Variants in XRN1 observed in about 807,000 individuals in gnomAD.
XRN1 encodes 5'-3' exoribonuclease 1.
Under a neutral mutation model 222.3 loss-of-function variants are expected in XRN1, and 67 were observed. The ratio of observed to expected loss-of-function variants is 0.30; its 90% CI spans 0.25 to 0.37. The LOEUF is 0.37. XRN1 is among the 10% of genes least tolerant of loss of function. The pLI, the probability that XRN1 is intolerant of heterozygous loss-of-function variation, is 1.00. For missense variants in XRN1, 1,707 were observed against 2,000.2 expected (o/e 0.85, Z 2.80); for synonymous variants, 643 against 652.4 (o/e 0.99, Z 0.22).
chr3:142,362,748 CCCTT>C (rs2066685941), intron 29 of XRN1, among the ~76,000 whole-genome samples: 2 of 140,144 alleles, frequency 1.4e-5, no homozygotes, highest in Admixed American at 7.1e-5. Context: ...CTCCCTCCCT[CCCTT>C]CCTTTCTTCC....
chr3:142,418,701 G>T, intron 11 of XRN1, 92 bp from the exon 12 acceptor site: 2 of 1,411,160 alleles, frequency 1.4e-6, no homozygotes, highest in South Asian at 1.3e-5. Context: ...CCAAGTTGAT[G>T]CTTATATGCT....
chr3:142,405,120 C>T lies in XRN1; in HGVS notation c.1714-44G>A, dbSNP rs1037377440. The T allele has an allele frequency of 3.2e-6, 5 of 1,567,104 alleles. No homozygotes were observed. The African/African-American group carries it at 5.5e-5, about 17-fold the overall frequency. On this transcript the variant is annotated intron_variant, in intron 15 of 40. Transcript: ENST00000392981. ...GAGAAGGGTTACAAGCATAAAAATTCCATAATCTCAACAAACAGAATAAGT... is the reference window on the plus strand; with the variant it reads ...GAGAAGGGTTACAAGCATAAAAATTTCATAATCTCAACAAACAGAATAAGT...
At chr3:142,410,502 T>G (rs2068528058) in intron 15 of XRN1, among the ~76,000 whole-genome samples, 1 of 138,040 alleles carries the variant, frequency 7.2e-6, no homozygotes, top group South Asian at 2.4e-4. Context: ...TTTTTTTTTT[T>G]TTTTTTTTTT....
At position 142,370,506 on chromosome 3, in the gene XRN1, C is replaced by G; in HGVS notation, c.3183G>C (p.Glu1061Asp). The G allele has an allele frequency of 6.2e-6, 10 of 1,603,176 alleles. No homozygotes were observed. Among genetic ancestry groups the G allele is most frequent in the Non-Finnish European group, 8.5e-6 (10 of 1,176,284 alleles). The change falls in exon 27 of 41, where the codon GAG (glutamate) becomes GAC (aspartate). Residue 1061 changes from glutamate to aspartate, a missense_variant. By Grantham distance (45) the Glu-to-Asp change is conservative (BLOSUM62 2). This residue lies in a region of XRN1 where 1,234 missense variants were observed against 1,518.2 expected (regional missense o/e 0.81). Coordinates refer to ENST00000392981, the MANE Select transcript of XRN1 (RefSeq NM_001282857.2). ...ILDAAIVEKIEEEVEKCKQRK... is the reference protein window; with the variant it reads ...ILDAAIVEKIDEEVEKCKQRK... The stretch of plus-strand genomic sequence containing the variant: ...GTACCTTGCACTTTTCGACTTCTTC[C>G]TCAATTTTCTCAACAATAGCTGCAT...
At chr3:142,397,593 A>C in intron 19 of XRN1, 133 bp from the exon 20 acceptor site, 1 of 558,556 alleles carries the variant, frequency 1.8e-6, no homozygotes, top group East Asian at 3.4e-5. Context: ...CTGTAATGTA[A>C]ATTACAAAAC....
intron 1 of XRN1, among the ~76,000 whole-genome samples, chr3:142,438,364 C>T (rs534073890): frequency 9.2e-5 from 14 of 152,080 alleles, no homozygotes; most frequent in Admixed American, 5.2e-4. Flanking sequence ...GCAGTCCAGA[C>T]CCTTTTCTTT....
intron 18 of XRN1, among the ~76,000 whole-genome samples, chr3:142,400,895 C>A (rs1054619904): frequency 2.0e-5 from 3 of 151,704 alleles, no homozygotes; most frequent in Non-Finnish European, 4.4e-5. Context: ...CCAGCCTAGG[C>A]AACAGAGCAA....
At chr3:142,342,027 C>T (rs1295720949) in intron 33 of XRN1, among the ~76,000 whole-genome samples, 2 of 152,122 alleles carry the variant, frequency 1.3e-5, no homozygotes, top group Admixed American at 6.5e-5. Context: ...TACTGACTTT[C>T]CAGATGGGAA....
At chr3:142,367,546 T>C (rs2066856762) in intron 27 of XRN1, among the ~76,000 whole-genome samples, 1 of 150,612 alleles carries the variant, frequency 6.6e-6, no homozygotes, top group East Asian at 1.9e-4. Flanking sequence ...AACTGACTCT[T>C]TTTTTTTTAT....
Position 142,347,331 on chromosome 3 carries a change from T to C in XRN1, c.3780A>G (p.Leu1260=), listed in dbSNP as rs2066173499. Residue 1260 remains leucine, a synonymous_variant, in exon 33 of 41, where the codon CTA becomes CTG. Transcript: ENST00000392981. ...QPTIQEKGAV[L]PQEISQVNQH... is the part of the protein sequence containing the mutation. ...GATTTACTTGGCTTATTTCTTGAGG[T>C]AGAACTGCACCCTGAAAATTAAAAT... is the stretch of plus-strand genomic sequence containing the variant. The C allele has an allele frequency of 6.3e-7, 1 of 1,598,408 alleles. No individual in the cohort carries two copies. Among genetic ancestry groups the C allele is most frequent in the Admixed American group, 1.7e-5 (1 of 58,274 alleles).
rs373508073 is a variant in XRN1 at position 142,318,573 on chromosome 3, T to C, written c.4621+19A>G. On this transcript the variant is annotated intron_variant, in intron 39 of 40. Coordinates refer to ENST00000392981, the MANE Select transcript of XRN1 (RefSeq NM_001282857.2). ...ATAACAACTCAATGACAAATACTTA[T>C]AAATGAAAAATATCTTACCAGTAGG... 116 of 1,570,862 alleles carry C rather than the reference T, an allele frequency of 7.4e-5. No individual in the cohort carries two copies. In the African/African-American group the frequency reaches 9.8e-4, roughly 13 times the overall value.
intron 36 of XRN1, among the ~76,000 whole-genome samples, chr3:142,331,741 CTG>C (rs2065701726): frequency 6.6e-6 from 1 of 152,136 alleles, no homozygotes; most frequent in Non-Finnish European, 1.5e-5. Flanking sequence ...CATTTAGTGA[CTG>C]TAGATCTATT....
Position 142,402,052 on chromosome 3 carries a change from G to T in XRN1, c.2104-1505C>A, listed in dbSNP as rs80037453. Reference sequence around the variant, plus strand: ...GGGCATTTCTTTATGCTGAGACCATGAACACTCAATGCACCTTGTCTTCAA... The same window carrying T: ...GGGCATTTCTTTATGCTGAGACCATTAACACTCAATGCACCTTGTCTTCAA... On this transcript the variant is annotated intron_variant, in intron 18 of 40. Transcript: ENST00000392981. Among the ~76,000 whole-genome samples, 17 of 152,248 alleles carry T rather than the reference G, an allele frequency of 1.1e-4. No individual in the cohort carries two copies. The East Asian group carries it at 3.3e-3, about 29-fold the overall frequency.
chr3:142,345,896 G>A (rs1270956657), intron 33 of XRN1, among the ~76,000 whole-genome samples: 2 of 152,190 alleles, frequency 1.3e-5, no homozygotes, highest in African/African-American at 4.8e-5. Flanking sequence ...CAAATGTTGT[G>A]AAGGATGTGG....
intron 1 of XRN1, among the ~76,000 whole-genome samples, chr3:142,443,990 C>T (rs1451165869): frequency 6.6e-6 from 1 of 152,226 alleles, no homozygotes; most frequent in African/African-American, 2.4e-5. Context: ...GAAAGACAAA[C>T]ATTGCATGTT....
intron 1 of XRN1, among the ~76,000 whole-genome samples, chr3:142,436,272 A>G (rs566517630): frequency 1.1e-4 from 17 of 152,016 alleles, no homozygotes; most frequent in Non-Finnish European, 2.2e-4. Context: ...GGGGAAGCAC[A>G]TATTTCATGT....
intron 25 of XRN1, among the ~76,000 whole-genome samples, chr3:142,372,707 C>A (rs1007889123): frequency 6.6e-6 from 1 of 152,218 alleles, no homozygotes; most frequent in Non-Finnish European, 1.5e-5. Context: ...GGGGATAGGT[C>A]TTTCAGTCTT....
At chr3:142,369,577 G>A (rs2066920057) in intron 27 of XRN1, among the ~76,000 whole-genome samples, 1 of 151,474 alleles carries the variant, frequency 6.6e-6, no homozygotes, top group Admixed American at 6.6e-5. Context: ...GAATCTGGGA[G>A]GTGGAGGTTG....
At chr3:142,373,271 A>T (rs1445911763) in intron 25 of XRN1, among the ~76,000 whole-genome samples, 1 of 152,044 alleles carries the variant, frequency 6.6e-6, no homozygotes, top group African/African-American at 2.4e-5. Flanking sequence ...AATGATAAAC[A>T]ATAAAGTTGA....
Sources: allele counts gnomAD v4.1 joint callset (sites outside exome capture counted in the v4.1 genomes callset), GRCh38; gene constraint gnomAD v4.1.1; regional missense constraint gnomAD v4.1.1; transcripts MANE v1.5; gene names NCBI Gene and HGNC (gene_info 2026-07-23, HGNC 2026-07-21).